Variants in SS18 observed in about 807,000 individuals in gnomAD.
SS18 encodes the protein SS18 subunit of BAF chromatin remodeling complex.
In SS18, 28 loss-of-function variants were observed where a neutral mutation model predicts 72.5. The ratio of observed to expected loss-of-function variants is 0.39; its 90% CI spans 0.29 to 0.53. SS18 has a LOEUF of 0.53. Ranked by LOEUF, SS18 falls within the 20% of genes least tolerant of loss-of-function variation. The pLI, the probability that SS18 is intolerant of heterozygous loss-of-function variation, is 0.76. For missense variants in SS18, 518 were observed against 535.3 expected (o/e 0.97, Z 0.32); for synonymous variants, 172 against 164.2 (o/e 1.05, Z -0.37).
intron 10 of SS18, among the ~76,000 whole-genome samples, chr18:26,021,278 C>G (rs2053345567): frequency 1.3e-5 from 2 of 152,148 alleles, no homozygotes; most frequent in Admixed American, 1.3e-4. Flanking sequence ...CCCTGAGTTT[C>G]AATTTTATCA....
In SS18 at chr18:26,090,531, C is replaced by G. The variant is rs542203058; in HGVS notation, c.39G>C (p.Lys13Asn). ...GAATCGCAGCGGGAGTGATCTCCCC[C>G]TTGCCTCGCTGCCTCGGGGCCGCGA... The part of the protein sequence containing the change: ...VAFAAPRQRG[K>N]GEITPAAIQK... Residue 13 changes from lysine (K) to asparagine (N), a missense_variant, in exon 1 of 11, where the codon AAG (lysine) becomes AAC (asparagine). By Grantham distance (94) the Lys-to-Asn change is moderately conservative. Coordinates refer to ENST00000415083, the MANE Select transcript of SS18 (RefSeq NM_001007559.3). The G allele has an allele frequency of 6.3e-7, 1 of 1,588,076 alleles. No homozygotes were observed. Among genetic ancestry groups the G allele is most frequent in the African/African-American group, 1.4e-5 (1 of 73,988 alleles).
rs1568039227 is a variant in SS18, at chr18:26,090,430, G to C, written c.69+71C>G. The C allele has an allele frequency of 5.4e-6, 8 of 1,484,636 alleles. No homozygotes were observed. The East Asian group carries it at 9.9e-5, about 18-fold the overall frequency. 92.0% of individuals were successfully genotyped at this position (1,484,636 alleles called of 1,614,324 possible). A position where few individuals can be genotyped will look rare whatever the true frequency, so the allele number is the denominator to read the frequency against. On this transcript the variant is annotated intron_variant, in intron 1 of 10. Transcript: ENST00000415083. ...CTCGGCCCGGTCGACTCCGGGCCCG[G>C]CCCTTCCCCCCGCGTCTGTCTCTCC...
chr18:26,076,745 G>A (rs541890011), intron 3 of SS18, among the ~76,000 whole-genome samples: 1 of 151,962 alleles, frequency 6.6e-6, no homozygotes, highest in East Asian at 1.9e-4. Context: ...AGGAACACAG[G>A]AGCCAAATGA....
intron 5 of SS18, among the ~76,000 whole-genome samples, chr18:26,047,355 T>G (rs957724710): frequency 6.6e-6 from 1 of 151,866 alleles, no homozygotes; most frequent in African/African-American, 2.4e-5. Flanking sequence ...AATAAAAATC[T>G]TCTCAGGCCT....
intron 3 of SS18, among the ~76,000 whole-genome samples, chr18:26,064,141 A>G (rs1483156626): frequency 1.3e-5 from 2 of 152,162 alleles, no homozygotes; most frequent in African/African-American, 4.8e-5. Context: ...TATTTATTAG[A>G]GAAACTGAAT....
At chr18:26,042,037 C>T (rs954882662) in intron 5 of SS18, among the ~76,000 whole-genome samples, 1 of 151,758 alleles carries the variant, frequency 6.6e-6, no homozygotes, top group Non-Finnish European at 1.5e-5. Context: ...TCCTCGAAGC[C>T]TTATCCATTA....
At chr18:26,029,644 G>A (rs543466730) in intron 10 of SS18, among the ~76,000 whole-genome samples, 4 of 152,276 alleles carry the variant, frequency 2.6e-5, no homozygotes, top group Non-Finnish European at 2.9e-5. Flanking sequence ...AGCAAGGACC[G>A]ATGGGGAAGT....
rs2053281089 is a variant in SS18 at position 26,018,151 on chromosome 18, T to C, written c.*203A>G. On this transcript the variant is annotated 3_prime_UTR_variant, in exon 11 of 11. Coordinates refer to ENST00000415083, the MANE Select transcript of SS18 (RefSeq NM_001007559.3). The stretch of plus-strand genomic sequence containing the variant: ...AATGTTGCCATCTAGAGTAGAAATG[T>C]GAAATCAAGAGTATTTTTGAGCTAC... 2.1e-6 allele frequency: 1 copy of C among 469,454 alleles called. No individual in the cohort carries two copies. The highest frequency in any genetic ancestry group is 3.7e-5 in the South Asian group (1 of 26,820). 29.1% of individuals were successfully genotyped at this position (469,454 alleles called of 1,614,324 possible).
chr18:26,085,356 C>T (rs969243627), intron 2 of SS18, among the ~76,000 whole-genome samples: 4 of 152,128 alleles, frequency 2.6e-5, no homozygotes, highest in Non-Finnish European at 4.4e-5. Flanking sequence ...TTCTTTAAGA[C>T]ACCACTTTTC....
In SS18 at chr18:26,090,571, T is replaced by G; in HGVS notation, c.-2A>C. 1 of 1,581,150 alleles carries G rather than the reference T, an allele frequency of 6.3e-7. No individual in the cohort carries two copies. The highest frequency in any genetic ancestry group is 2.4e-5 in the East Asian group (1 of 42,318). ...CGGGGCCGCGAAAGCCACAGACATG[T>G]TGCCGCCGTCACCACTATCGGCAAG... On this transcript the variant is annotated 5_prime_UTR_variant, in exon 1 of 11. Coordinates refer to ENST00000415083, the MANE Select transcript of SS18 (RefSeq NM_001007559.3).
chr18:26,039,579 A>C, intron 5 of SS18, 123 bp from the exon 6 acceptor site: 2 of 817,192 alleles, frequency 2.4e-6, no homozygotes, highest in Non-Finnish European at 3.5e-6. Context: ...GTAAAAACTG[A>C]TTTCAAATAA....
At chr18:26,018,675 T>C (rs2053291402) in intron 10 of SS18, among the ~76,000 whole-genome samples, 1 of 152,230 alleles carries the variant, frequency 6.6e-6, no homozygotes, top group South Asian at 2.1e-4. Flanking sequence ...GTTGAATGAA[T>C]TGAGCAGGCA....
intron 10 of SS18, among the ~76,000 whole-genome samples, 177 bp from the exon 11 acceptor site, chr18:26,018,557 T>C (rs970722795): frequency 2.6e-5 from 4 of 152,222 alleles, no homozygotes; most frequent in Admixed American, 6.5e-5. Flanking sequence ...TCTTCTGATA[T>C]TATATTCAAT....
intron 10 of SS18, among the ~76,000 whole-genome samples, chr18:26,028,559 A>AT (rs1452245027): frequency 6.6e-6 from 1 of 152,238 alleles, no homozygotes; most frequent in Non-Finnish European, 1.5e-5. Context: ...GGACAAACAA[A>AT]TAGCCATATA....
At chr18:26,077,287 A>AAATACTCTT (rs2054433669) in intron 3 of SS18, among the ~76,000 whole-genome samples, 1 of 152,166 alleles carries the variant, frequency 6.6e-6, no homozygotes, top group South Asian at 2.1e-4. Flanking sequence ...ACCGCCAACA[A>AAATACTCTT]AATACTCTTA....
chr18:26,086,357 C>A (rs1198618149), intron 2 of SS18, among the ~76,000 whole-genome samples: 1 of 151,950 alleles, frequency 6.6e-6, no homozygotes, highest in Non-Finnish European at 1.5e-5. Context: ...TATGGCTAAT[C>A]CAAAATGAGA....
intron 4 of SS18, among the ~76,000 whole-genome samples, chr18:26,053,336 C>T (rs1338890861): frequency 6.6e-6 from 1 of 151,940 alleles, no homozygotes; most frequent in Non-Finnish European, 1.5e-5. Context: ...GTTCCACTAA[C>T]TAATTCTAGA....
intron 5 of SS18, among the ~76,000 whole-genome samples, chr18:26,051,842 A>G (rs1489063692): frequency 1.3e-5 from 2 of 152,210 alleles, no homozygotes; most frequent in African/African-American, 4.8e-5. Flanking sequence ...ATTTCATCAT[A>G]AGGAATTATC....
chr18:26,072,810 A>C (rs904595905), intron 3 of SS18, among the ~76,000 whole-genome samples: 3 of 151,212 alleles, frequency 2.0e-5, no homozygotes, highest in Admixed American at 6.6e-5. Context: ...AAAAAAAAAA[A>C]AAAAAAAAAA....
Sources: gnomAD v4.1 joint callset for allele counts (sites outside exome capture counted in the v4.1 genomes callset) on GRCh38, gnomAD v4.1.1 for gene constraint, MANE v1.5 for transcripts, NCBI Gene and HGNC (gene_info 2026-07-23, HGNC 2026-07-21) for gene names.